The following RBFOX1 variants were observed in gnomAD, a reference collection of about 807,000 sequenced individuals.
RBFOX1 encodes RNA binding protein fox-1 homolog 1.
A neutral mutation model predicts 57.7 loss-of-function variants in RBFOX1; 8 were observed. That is an observed-to-expected ratio of 0.14 (90% CI 0.08 to 0.25). The LOEUF (loss-of-function observed/expected upper bound fraction) is 0.25, where lower values mean the gene tolerates loss of function less well. RBFOX1 is among the 10% of genes least tolerant of loss of function. RBFOX1 has a pLI of 1.00. For missense variants in RBFOX1, 611 were observed against 548.5 expected (o/e 1.11, Z -1.14); for synonymous variants, 326 against 222.4 (o/e 1.47, Z -4.15).
chr16:6,185,759 A>G (rs1567635760), intron 1 of RBFOX1, among the ~76,000 whole-genome samples: 1 of 152,220 alleles, frequency 6.6e-6, no homozygotes, highest in Non-Finnish European at 1.5e-5. Context: ...AAACACTATA[A>G]TTTCATGTAA....
At chr16:7,009,552 A>G (rs573709936) in intron 3 of RBFOX1, among the ~76,000 whole-genome samples, 11 of 152,252 alleles carry the variant, frequency 7.2e-5, no homozygotes, top group African/African-American at 2.2e-4. Context: ...GATGCGATCA[A>G]TGATAGGAAT....
At chr16:7,304,636 T>C (rs954522392) in intron 4 of RBFOX1, among the ~76,000 whole-genome samples, 1 of 152,096 alleles carries the variant, frequency 6.6e-6, no homozygotes, top group Non-Finnish European at 1.5e-5. Context: ...AGCCTCCTGC[T>C]CTCTGTGGAG....
At chr16:7,122,771 A>G (rs1001663311) in intron 4 of RBFOX1, among the ~76,000 whole-genome samples, 10 of 152,196 alleles carry the variant, frequency 6.6e-5, no homozygotes, top group African/African-American at 9.6e-5. Context: ...ATGTCTGTGT[A>G]TAGCAACTCT....
chr16:6,887,968 C>T (rs929225885), intron 3 of RBFOX1, among the ~76,000 whole-genome samples: 3 of 151,964 alleles, frequency 2.0e-5, no homozygotes, highest in Non-Finnish European at 4.4e-5. Context: ...GTCCCATCCT[C>T]ATCATTTTTA....
At chr16:5,347,812 A>G (rs1234534903) in intron 1 of RBFOX1, among the ~76,000 whole-genome samples, 2 of 133,878 alleles carry the variant, frequency 1.5e-5, no homozygotes, top group Admixed American at 7.9e-5. Flanking sequence ...CCACTTAATC[A>G]TGCACTCACC....
intron 1 of RBFOX1, among the ~76,000 whole-genome samples, chr16:6,123,423 G>T (rs200254742): frequency 6.6e-6 from 1 of 152,130 alleles, no homozygotes; most frequent in Non-Finnish European, 1.5e-5. Context: ...AATACTATAT[G>T]GTTCTACTTC....
chr16:7,015,593 T>C (rs1051517890), intron 3 of RBFOX1, among the ~76,000 whole-genome samples: 1 of 152,150 alleles, frequency 6.6e-6, no homozygotes, highest in Non-Finnish European at 1.5e-5. Context: ...GATTTTGGCT[T>C]ATTTAAGAGC....
At chr16:7,106,567 A>G (rs887758261) in intron 4 of RBFOX1, among the ~76,000 whole-genome samples, 1 of 152,130 alleles carries the variant, frequency 6.6e-6, no homozygotes, top group African/African-American at 2.4e-5. Flanking sequence ...CTATGTGCTT[A>G]GGGACTTCTT....
chr16:7,423,791 C>T lies in RBFOX1; in HGVS notation c.28-94356C>T, dbSNP rs78001982. ...CTCACCTGCTTTGAAGGATTTCTTT[C>T]CCTCTCTGCAAATCTCTCCCCTCCC... On this transcript the variant is annotated intron_variant, in intron 4 of 15. Transcript: ENST00000550418. Among the ~76,000 whole-genome samples, 435 of 152,236 alleles carry T rather than the reference C, an allele frequency of 2.9e-3. 2 individuals carry two copies. The highest frequency in any genetic ancestry group is 0.01 in the African/African-American group (416 of 41,540).
chr16:7,256,479 C>G (rs549521095), intron 4 of RBFOX1, among the ~76,000 whole-genome samples: 3 of 152,258 alleles, frequency 2.0e-5, no homozygotes, highest in East Asian at 3.9e-4. Context: ...ACCAAGGAGC[C>G]TTTTTAGACC....
At chr16:5,707,604 G>C (rs2051301179) in intron 3 of RBFOX1, among the ~76,000 whole-genome samples, 1 of 152,176 alleles carries the variant, frequency 6.6e-6, no homozygotes, top group South Asian at 2.1e-4. Flanking sequence ...ATATTTAAAG[G>C]CACAGTTTCC....
At chr16:7,345,073 TG>T (rs1568324404) in intron 4 of RBFOX1, among the ~76,000 whole-genome samples, 1 of 152,230 alleles carries the variant, frequency 6.6e-6, no homozygotes, top group Non-Finnish European at 1.5e-5. Context: ...CTGGGTCTTG[TG>T]GCTCTATTTT....
chr16:5,775,233 C>T (rs1597202891), intron 3 of RBFOX1, among the ~76,000 whole-genome samples: 1 of 152,182 alleles, frequency 6.6e-6, no homozygotes, highest in Non-Finnish European at 1.5e-5. Flanking sequence ...TATCTCCTTA[C>T]TCAACCACCA....
At chr16:5,928,328 C>G (rs2058977095) in intron 4 of RBFOX1, among the ~76,000 whole-genome samples, 1 of 151,736 alleles carries the variant, frequency 6.6e-6, no homozygotes, top group African/African-American at 2.4e-5. Context: ...AATGATCCTC[C>G]AGCCCCTGCC....
At chr16:7,551,088 CAAAAAAAAAA>C (rs539169022) in intron 5 of RBFOX1, among the ~76,000 whole-genome samples, 11 of 76,742 alleles carry the variant, frequency 1.4e-4, no homozygotes, top group Admixed American at 1.6e-4. Context: ...GAGCGAGACT[CAAAAAAAAAA>C]AAAAAAAGAA....
chr16:6,882,516 C>G (rs918201924), intron 3 of RBFOX1, among the ~76,000 whole-genome samples: 12 of 152,172 alleles, frequency 7.9e-5, no homozygotes, highest in African/African-American at 2.4e-4. Flanking sequence ...ATCACCTGAA[C>G]TTAGGAGGCA....
chr16:6,190,261 T>C (rs562165290), intron 1 of RBFOX1, among the ~76,000 whole-genome samples: 21 of 152,336 alleles, frequency 1.4e-4, no homozygotes, highest in African/African-American at 4.6e-4. Context: ...CTTCATGTCT[T>C]GTTTGGGGAT....
At chr16:5,439,287 G>A (rs1465495584) in intron 1 of RBFOX1, among the ~76,000 whole-genome samples, 3 of 152,148 alleles carry the variant, frequency 2.0e-5, no homozygotes, top group East Asian at 3.9e-4. Flanking sequence ...GGCTTTGGAA[G>A]CCACAGGAAA....
intron 1 of RBFOX1, among the ~76,000 whole-genome samples, chr16:6,085,012 T>C (rs916294331): frequency 2.0e-5 from 3 of 152,200 alleles, no homozygotes; most frequent in African/African-American, 7.2e-5. Context: ...CCAATCAACT[T>C]GTGAGAATTC....
Sources: gnomAD v4.1 joint callset for allele counts (sites outside exome capture counted in the v4.1 genomes callset) on GRCh38, gnomAD v4.1.1 for gene constraint, MANE v1.5 for transcripts, NCBI Gene and HGNC (gene_info 2026-07-23, HGNC 2026-07-21) for gene names.